The following CADPS2 variants were observed in gnomAD, a reference collection of about 807,000 sequenced individuals.
CADPS2 encodes calcium dependent secretion activator 2.
CADPS2 carries 93 observed loss-of-function variants against 172.5 expected under a neutral mutation model. The ratio of observed to expected loss-of-function variants is 0.54; its 90% CI spans 0.46 to 0.64. The LOEUF (loss-of-function observed/expected upper bound fraction) is 0.64. CADPS2 is among the 30% of genes least tolerant of loss of function. The pLI is 0.00. For missense variants in CADPS2, 1,420 were observed against 1,565.9 expected (o/e 0.91, Z 1.57); for synonymous variants, 546 against 555.2 (o/e 0.98, Z 0.23).
intron 1 of CADPS2, among the ~76,000 whole-genome samples, chr7:122,815,505 A>G (rs1159201871): frequency 3.9e-5 from 6 of 152,276 alleles, no homozygotes; most frequent in South Asian, 4.1e-4. Context: ...GAAAACAAGT[A>G]TAAGTTTTCC....
chr7:122,443,728 A>AT, intron 15 of CADPS2, among the ~76,000 whole-genome samples: 1 of 150,956 alleles, frequency 6.6e-6, no homozygotes, highest in African/African-American at 2.4e-5. Context: ...AAAAAAAAAA[A>AT]AAAAAAATGC....
At chr7:122,380,988 T>A (rs1226943993) in intron 24 of CADPS2, among the ~76,000 whole-genome samples, 1 of 152,116 alleles carries the variant, frequency 6.6e-6, no homozygotes, top group Non-Finnish European at 1.5e-5. Context: ...CTGAAAAAGC[T>A]GGCTGGCAGT....
At chr7:122,599,325 C>A (rs1404186878) in intron 6 of CADPS2, among the ~76,000 whole-genome samples, 2 of 151,886 alleles carry the variant, frequency 1.3e-5, no homozygotes, top group African/African-American at 2.4e-5. Flanking sequence ...AGAGAGGCTC[C>A]TGAAATAAAC....
intron 2 of CADPS2, among the ~76,000 whole-genome samples, chr7:122,709,063 C>A (rs1287350107): frequency 6.6e-6 from 1 of 151,928 alleles, no homozygotes; most frequent in South Asian, 2.1e-4. Flanking sequence ...GAAAAATATA[C>A]CAAGCAGATT....
intron 17 of CADPS2, among the ~76,000 whole-genome samples, chr7:122,423,757 T>C (rs1021285925): frequency 3.3e-5 from 5 of 152,118 alleles, no homozygotes; most frequent in African/African-American, 9.7e-5. Context: ...AAAACACAAA[T>C]TGCTTGGCAT....
At chr7:122,483,760 A>T (rs2057531704) in intron 11 of CADPS2, among the ~76,000 whole-genome samples, 1 of 152,166 alleles carries the variant, frequency 6.6e-6, no homozygotes, top group Non-Finnish European at 1.5e-5. Flanking sequence ...TGCATACTAT[A>T]CATGAAGATA....
At chr7:122,375,378 C>T (rs2042220948) in intron 25 of CADPS2, among the ~76,000 whole-genome samples, 1 of 152,090 alleles carries the variant, frequency 6.6e-6, no homozygotes, top group Non-Finnish European at 1.5e-5. Flanking sequence ...AACAACGTTA[C>T]TGGCATAAAA....
At chr7:122,752,256 T>C (rs181286067) in intron 1 of CADPS2, among the ~76,000 whole-genome samples, 2 of 152,290 alleles carry the variant, frequency 1.3e-5, no homozygotes, top group East Asian at 3.9e-4. Context: ...AGAAACCCTG[T>C]TTACTCTATA....
Position 122,681,770 on chromosome 7 carries a change from TA to T in CADPS2, c.454-18202del, listed in dbSNP as rs922327278. 8.4e-4 allele frequency: 427 copies of T among 505,356 alleles called. 1 individual carries two copies. Among genetic ancestry groups the T allele is most frequent in the Middle Eastern group, 1.1e-3 (2 of 1,864 alleles). The allele number at this position is 505,356 out of a possible 1,614,324, so 31.3% of individuals were successfully genotyped here. A position where few individuals can be genotyped will look rare whatever the true frequency, so the allele number is the denominator to read the frequency against. On this transcript the variant is annotated intron_variant, in intron 2 of 29. Coordinates refer to ENST00000449022, the MANE Select transcript of CADPS2 (RefSeq NM_017954.11). Reference sequence around the variant, plus strand: ...TAAAAGAAAGAAAAAAAACAACATCTAAAAAAAAATAAATAAAAATAAAAAT... The same window carrying T: ...TAAAAGAAAGAAAAAAAACAACATCTAAAAAAAATAAATAAAAATAAAAAT...
chr7:122,756,244 A>T (rs1037827628), intron 1 of CADPS2, among the ~76,000 whole-genome samples: 2 of 152,216 alleles, frequency 1.3e-5, no homozygotes, highest in Admixed American at 6.5e-5. Context: ...ATTGGTATGT[A>T]CCAAGTTTAT....
chr7:122,701,280 G>A (rs948602343), intron 2 of CADPS2, among the ~76,000 whole-genome samples: 1 of 152,300 alleles, frequency 6.6e-6, no homozygotes, highest in Admixed American at 6.5e-5. Flanking sequence ...ATGAGTTCAT[G>A]TCCTTTGTAG....
chr7:122,750,901 A>G (rs888860798), intron 1 of CADPS2, among the ~76,000 whole-genome samples: 1 of 152,194 alleles, frequency 6.6e-6, no homozygotes, highest in Non-Finnish European at 1.5e-5. Flanking sequence ...TTATGAGTTA[A>G]GAAATCTACT....
intron 1 of CADPS2, among the ~76,000 whole-genome samples, chr7:122,870,195 A>G (rs1819391298): frequency 6.6e-6 from 1 of 152,084 alleles, no homozygotes; most frequent in African/African-American, 2.4e-5. Context: ...CTACCCAACT[A>G]TATGCTTCCA....
chr7:122,761,230 A>G (rs2093368287), intron 1 of CADPS2, among the ~76,000 whole-genome samples: 1 of 152,208 alleles, frequency 6.6e-6, no homozygotes, highest in African/African-American at 2.4e-5. Context: ...AATACTGAAA[A>G]GGAAAGAATT....
In CADPS2 at chr7:122,629,302, G is replaced by A; in HGVS notation, c.813C>T (p.Ala271=). 6.2e-7 allele frequency: 1 copy of A among 1,608,782 alleles called. No individual in the cohort carries two copies. Among genetic ancestry groups the A allele is most frequent in the Non-Finnish European group, 8.5e-7 (1 of 1,177,430 alleles). Residue 271 remains alanine (A), a synonymous_variant, in exon 4 of 30, where the codon GCC becomes GCT. Transcript: ENST00000449022. The part of the protein sequence containing the change: ...CQLDNADEQA[A]QIRRELDGRL... ...GGCCATCAAGTTCCCTTCTGATCTG[G>A]GCTGCTTGTTCATCTGCGTTATCCA...
chr7:122,762,333 T>C (rs2093416746), intron 1 of CADPS2, among the ~76,000 whole-genome samples: 1 of 151,990 alleles, frequency 6.6e-6, no homozygotes, highest in Non-Finnish European at 1.5e-5. Flanking sequence ...AAAAAGCAAG[T>C]CATTAACAAA....
intron 1 of CADPS2, among the ~76,000 whole-genome samples, chr7:122,836,040 T>G (rs2140776880): frequency 6.6e-6 from 1 of 152,220 alleles, no homozygotes; most frequent in Non-Finnish European, 1.5e-5. Flanking sequence ...AAAGGTCGGG[T>G]TACCCACAAA....
intron 8 of CADPS2, among the ~76,000 whole-genome samples, chr7:122,518,170 G>GTA (rs1025942351): frequency 2.0e-5 from 3 of 151,918 alleles, no homozygotes; most frequent in Admixed American, 6.6e-5. Context: ...TAGAAAGACT[G>GTA]TATATATATC....
At chr7:122,385,610 A>C (rs71571076) in intron 24 of CADPS2, among the ~76,000 whole-genome samples, 182 of 152,170 alleles carry the variant, frequency 1.2e-3, no homozygotes, top group Non-Finnish European at 2.3e-3. Context: ...CTTTACGCAT[A>C]AAGGTTTTCT....
Sources: gnomAD v4.1 joint callset for allele counts (sites outside exome capture counted in the v4.1 genomes callset) on GRCh38, gnomAD v4.1.1 for gene constraint, MANE v1.5 for transcripts, NCBI Gene and HGNC (gene_info 2026-07-23, HGNC 2026-07-21) for gene names.